PAK1: variants seen among roughly 807,000 people sequenced by gnomAD.
PAK1 encodes serine/threonine-protein kinase PAK 1.
PAK1 carries 29 observed loss-of-function variants against 67.4 expected under a neutral mutation model. The ratio of observed to expected loss-of-function variants is 0.43; its 90% CI spans 0.32 to 0.59. The LOEUF is 0.59. Among genes scored for constraint, PAK1 ranks in the 20% least tolerant of loss-of-function variants. PAK1 has a pLI of 0.07. For missense variants in PAK1, 337 were observed against 670.7 expected (o/e 0.50, Z 5.50); for synonymous variants, 223 against 237.4 (o/e 0.94, Z 0.56).
chr11:77,392,840 TA>T (rs1459640358), intron 1 of PAK1, among the ~76,000 whole-genome samples: 1 of 152,220 alleles, frequency 6.6e-6, no homozygotes, highest in Non-Finnish European at 1.5e-5. Context: ...TAGCAAAAAC[TA>T]AGTGTGAATC....
At chr11:77,357,357 A>C (rs989076553) in intron 6 of PAK1, among the ~76,000 whole-genome samples, 2 of 152,222 alleles carry the variant, frequency 1.3e-5, no homozygotes, top group African/African-American at 4.8e-5. Flanking sequence ...CGCTGAGATC[A>C]GAGGCAATGG....
intron 5 of PAK1, among the ~76,000 whole-genome samples, chr11:77,361,722 G>A (rs148518627): frequency 6.6e-6 from 1 of 152,064 alleles, no homozygotes; most frequent in East Asian, 1.9e-4. Flanking sequence ...CAAACTCAAG[G>A]GTTCTTGGTT....
At chr11:77,524,007 G>A in the PAK1 span, among the ~76,000 whole-genome samples, 1 of 152,134 alleles carries the variant, frequency 6.6e-6, no homozygotes, top group Non-Finnish European at 1.5e-5. Context: ...TACAGCAATA[G>A]AGAGACACAG....
the PAK1 span, among the ~76,000 whole-genome samples, chr11:77,528,016 A>AT: frequency 1.3e-5 from 2 of 151,674 alleles, no homozygotes; most frequent in African/African-American, 4.8e-5. Flanking sequence ...TGCCCAGCTA[A>AT]TTTTTTCTAT....
At chr11:77,338,276 C>T (rs1943051284) in intron 11 of PAK1, among the ~76,000 whole-genome samples, 2 of 152,130 alleles carry the variant, frequency 1.3e-5, no homozygotes, top group Admixed American at 1.3e-4. Context: ...AATTAAAAAA[C>T]ACTAAAGATA....
upstream of PAK1, chr11:77,475,439 G>A (rs375138497): frequency 7.9e-5 from 12 of 152,284 alleles, no homozygotes; most frequent in African/African-American, 2.4e-4. Context: ...AACACCGAAA[G>A]GATTTTATTG....
At chr11:77,382,773 G>A (rs576220) in intron 2 of PAK1, among the ~76,000 whole-genome samples, 32,356 of 152,076 alleles carry the variant, frequency 0.21, 4,574 homozygotes, top group Non-Finnish European at 0.31. Flanking sequence ...TGAAGCAGGC[G>A]GATCACTTGA....
intron 1 of PAK1, among the ~76,000 whole-genome samples, chr11:77,401,606 T>C (rs1952696608): frequency 6.6e-6 from 1 of 152,210 alleles, no homozygotes; most frequent in African/African-American, 2.4e-5. Flanking sequence ...AAACATGTCA[T>C]TCCAGCTCAC....
intron 1 of PAK1, among the ~76,000 whole-genome samples, chr11:77,411,087 C>A (rs1954452815): frequency 6.6e-6 from 1 of 152,100 alleles, no homozygotes; most frequent in Non-Finnish European, 1.5e-5. Flanking sequence ...CATCAGCATT[C>A]TCAGTCTCTG....
the PAK1 span, among the ~76,000 whole-genome samples, chr11:77,501,346 C>G: frequency 6.6e-6 from 1 of 152,132 alleles, no homozygotes; most frequent in Non-Finnish European, 1.5e-5. Context: ...TTCACTCCAC[C>G]CGGACTCAGT....
chr11:77,422,762 A>G (rs1199741892), intron 1 of PAK1, among the ~76,000 whole-genome samples: 4 of 152,280 alleles, frequency 2.6e-5, no homozygotes. Flanking sequence ...GATTCTGGGG[A>G]AATGGTTGCT....
At chr11:77,413,861 C>A (rs566940179) in intron 1 of PAK1, among the ~76,000 whole-genome samples, 1 of 152,124 alleles carries the variant, frequency 6.6e-6, no homozygotes, top group Non-Finnish European at 1.5e-5. Context: ...CCAATTTACA[C>A]AGGGTGAATG....
chr11:77,440,144 C>A (rs995478832), intron 1 of PAK1, among the ~76,000 whole-genome samples: 13 of 152,140 alleles, frequency 8.5e-5, no homozygotes, highest in African/African-American at 3.1e-4. Flanking sequence ...CAGAAAAGAT[C>A]ATTTGAAAAA....
At chr11:77,448,579 T>A (rs576665294) in intron 1 of PAK1, among the ~76,000 whole-genome samples, 1 of 152,320 alleles carries the variant, frequency 6.6e-6, no homozygotes, top group East Asian at 1.9e-4. Context: ...ATATTTGAAC[T>A]TGGTCTTGAA....
At chr11:77,400,529 A>C (rs1055030761) in intron 1 of PAK1, among the ~76,000 whole-genome samples, 5 of 152,198 alleles carry the variant, frequency 3.3e-5, no homozygotes, top group Non-Finnish European at 7.3e-5. Flanking sequence ...TGATGCCTTG[A>C]GTTCATACAA....
chr11:77,435,870 T>G (rs961216219), intron 1 of PAK1, among the ~76,000 whole-genome samples: 1 of 151,978 alleles, frequency 6.6e-6, no homozygotes, highest in Non-Finnish European at 1.5e-5. Context: ...TAACTGAAAA[T>G]GGAAGAGGAC....
chr11:77,373,713 T>TAGTTTACTC (rs1948737486), intron 5 of PAK1, among the ~76,000 whole-genome samples: 1 of 152,188 alleles, frequency 6.6e-6, no homozygotes, highest in Non-Finnish European at 1.5e-5. Flanking sequence ...AGAGATCATC[T>TAGTTTACTC]AGTTTACTCT....
chr11:77,426,230 A>AACC (rs148306656), intron 1 of PAK1, among the ~76,000 whole-genome samples: 4,869 of 152,064 alleles, frequency 0.032, 128 homozygotes, highest in African/African-American at 0.074. Context: ...GACAAATGGG[A>AACC]ACCACCACCA....
intron 8 of PAK1, 94 bp from the exon 9 acceptor site, chr11:77,349,381 G>A (rs113691198): frequency 2.3e-5 from 21 of 930,218 alleles, no homozygotes; most frequent in African/African-American, 1.6e-4. Flanking sequence ...ATCTGTGAGT[G>A]TCAAAAACAA....
Sources: gnomAD v4.1 joint callset for allele counts (sites outside exome capture counted in the v4.1 genomes callset) on GRCh38, gnomAD v4.1.1 for gene constraint, MANE v1.5 for transcripts, NCBI Gene and HGNC (gene_info 2026-07-23, HGNC 2026-07-21) for gene names.